NAV3: variants seen among roughly 807,000 people sequenced by gnomAD.
NAV3 encodes the protein neuron navigator 3, also known as pore membrane and/or filament interacting like protein 1.
NAV3 carries 87 observed loss-of-function variants against 244.7 expected under a neutral mutation model. The ratio of observed to expected loss-of-function variants is 0.36; its 90% CI spans 0.30 to 0.42. The LOEUF (loss-of-function observed/expected upper bound fraction) is 0.42. NAV3 is among the 20% of genes least tolerant of loss of function. The probability of loss-of-function intolerance (pLI) is 1.00; values close to 1 mark genes in which losing one functional copy is unlikely to be tolerated. For missense variants in NAV3, 2,663 were observed against 2,893.3 expected, an observed-to-expected ratio of 0.92 and a Z score of 1.83; for synonymous variants, 1,126 against 1,042.2, an observed-to-expected ratio of 1.08 and a Z score of -1.55.
intron 2 of NAV3, among the ~76,000 whole-genome samples, chr12:77,599,749 C>T (rs530043089): frequency 6.6e-6 from 1 of 151,822 alleles, no homozygotes; most frequent in East Asian, 1.9e-4. Flanking sequence ...TTTAAAAATG[C>T]ATTACTATTA....
In NAV3 at chr12:78,172,686, A is replaced by G. The variant is rs563027105; in HGVS notation, c.4982-2620A>G. 4.6e-5 allele frequency among the ~76,000 whole-genome samples: 7 copies of G among 151,738 alleles called. No homozygotes were observed. The South Asian group carries it at 1.4e-3, about 31-fold the overall frequency. The stretch of plus-strand genomic sequence containing the variant: ...TAAGTACTGAGGGAGGAGTATTTCA[A>G]AAGAGCTTTGAGGCGGAAAATAAAT... On this transcript the variant is annotated intron_variant, in intron 24 of 39. Transcript: ENST00000397909.
chr12:78,161,164 T>A (rs936744080), intron 23 of NAV3, among the ~76,000 whole-genome samples: 1 of 152,132 alleles, frequency 6.6e-6, no homozygotes, highest in South Asian at 2.1e-4. Context: ...TAACCTTTCT[T>A]GAACCTCAAA....
intron 2 of NAV3, among the ~76,000 whole-genome samples, chr12:77,574,465 A>G (rs1868984157): frequency 6.6e-6 from 1 of 152,168 alleles, no homozygotes; most frequent in South Asian, 2.1e-4. Flanking sequence ...CCACCAAGTA[A>G]TCGCTAATAG....
In NAV3 at chr12:78,081,165, C is replaced by T. The variant is rs143483525; in HGVS notation, c.2636+22050C>T. ...TATTCAGTTAGGTCTATTGTTATAA[C>T]ACCTCTAGCATCTTATGAACTATAG... On this transcript the variant is annotated intron_variant, in intron 12 of 39. Coordinates refer to ENST00000397909, the MANE Select transcript of NAV3 (RefSeq NM_001024383.2). Among the ~76,000 whole-genome samples, 957 of 152,236 alleles carry T rather than the reference C, an allele frequency of 6.3e-3. 14 individuals carry two copies. The highest frequency in any genetic ancestry group is 0.022 in the African/African-American group (895 of 41,526).
intron 19 of NAV3, among the ~76,000 whole-genome samples, chr12:78,139,418 A>G (rs1956510646): frequency 6.6e-6 from 1 of 152,044 alleles, no homozygotes; most frequent in Non-Finnish European, 1.5e-5. Flanking sequence ...CTTCTCTTTG[A>G]GCTTTTGGGA....
intron 2 of NAV3, among the ~76,000 whole-genome samples, chr12:77,600,735 AT>A (rs971108354): frequency 3.3e-5 from 5 of 151,944 alleles, no homozygotes; most frequent in African/African-American, 1.2e-4. Context: ...GGTACAGCAG[AT>A]TCATCCCAGG....
At chr12:78,187,757 G>C (rs1211821609) in intron 31 of NAV3, among the ~76,000 whole-genome samples, 3 of 151,788 alleles carry the variant, frequency 2.0e-5, no homozygotes, top group African/African-American at 7.3e-5. Flanking sequence ...TTGGATTCTA[G>C]ATTAAAATTA....
At chr12:78,154,924 T>A (rs1374356812) in intron 22 of NAV3, among the ~76,000 whole-genome samples, 2 of 152,078 alleles carry the variant, frequency 1.3e-5, no homozygotes, top group Non-Finnish European at 2.9e-5. Flanking sequence ...CCATTTACCC[T>A]ATTGAGTGAG....
rs1203315782 is a variant in NAV3, at chr12:78,119,517, T to C, written c.3321T>C (p.Asn1107=). Residue 1107 remains asparagine (N), a synonymous_variant, in exon 15 of 40, where the codon AAT becomes AAC. Transcript: ENST00000397909. ...CTGCTGCCATTGGCGGGAAGTCAAA[T>C]GCAGGGAGAAAAACCAGTTTGGACG... ...PKSAAIGGKS[N]AGRKTSLDGS... 6 of 1,614,122 alleles carry C rather than the reference T, an allele frequency of 3.7e-6. No homozygotes were observed. Among genetic ancestry groups the C allele is most frequent in the Middle Eastern group, 1.6e-4 (1 of 6,062 alleles).
chr12:78,133,637 A>G (rs934448344), intron 18 of NAV3, among the ~76,000 whole-genome samples: 1 of 152,070 alleles, frequency 6.6e-6, no homozygotes, highest in Non-Finnish European at 1.5e-5. Context: ...AATTAAGATC[A>G]CTACAATATG....
rs780316435 is a variant in NAV3, at chr12:78,119,837, T to C, written c.3641T>C (p.Leu1214Ser). 2.5e-6 allele frequency: 4 copies of C among 1,614,120 alleles called. No homozygotes were observed. The highest frequency in any genetic ancestry group is 3.4e-6 in the Non-Finnish European group (4 of 1,180,018). Residue 1214 changes from leucine (L) to serine (S), a missense_variant, in exon 15 of 40, where the codon TTG (leucine) becomes TCG (serine). Coordinates refer to ENST00000397909, the MANE Select transcript of NAV3 (RefSeq NM_001024383.2). ...GTCTCAGATTCAGAAAGTGTTTCTT[T>C]GTCAGGTTCCCCCAAATCCAGCCCC... ...VAVSDSESVS[L>S]SGSPKSSPTS... is the part of the protein sequence containing the mutation.
At chr12:78,104,387 ATTGT>A (rs1954695668) in intron 12 of NAV3, among the ~76,000 whole-genome samples, 1 of 152,180 alleles carries the variant, frequency 6.6e-6, no homozygotes, top group African/African-American at 2.4e-5. Context: ...CATTTTAATA[ATTGT>A]TTAGTTAATA....
intron 2 of NAV3, among the ~76,000 whole-genome samples, chr12:77,709,888 T>C (rs1037832060): frequency 6.6e-6 from 1 of 152,220 alleles, no homozygotes; most frequent in Non-Finnish European, 1.5e-5. Context: ...AAGCTATCTC[T>C]GTGCAGTCCG....
At chr12:77,950,524 A>C (rs941766735) in intron 3 of NAV3, 2 of 152,196 alleles carry the variant, frequency 1.3e-5, no homozygotes, top group African/African-American at 4.8e-5. Context: ...TGCCATCCCC[A>C]TCAAGCTACC....
chr12:77,782,871 T>C (rs933463256), intron 2 of NAV3, among the ~76,000 whole-genome samples: 1 of 152,320 alleles, frequency 6.6e-6, no homozygotes, highest in South Asian at 2.1e-4. Context: ...CTCTTTTCCT[T>C]TGCAAAGTTA....
intron 2 of NAV3, among the ~76,000 whole-genome samples, chr12:77,693,185 ATAAAGT>A (rs1592589105): frequency 6.6e-6 from 1 of 152,024 alleles, no homozygotes; most frequent in East Asian, 1.9e-4. Context: ...AGCTATTTAA[ATAAAGT>A]TATAGTAATT....
intron 2 of NAV3, among the ~76,000 whole-genome samples, chr12:77,726,695 G>GT (rs1325205431): frequency 2.0e-5 from 3 of 151,870 alleles, no homozygotes; most frequent in African/African-American, 7.2e-5. Context: ...GGGAAAGAGT[G>GT]TTTGAGGCAA....
chr12:77,765,373 T>C (rs1869687366), intron 2 of NAV3, among the ~76,000 whole-genome samples: 1 of 152,200 alleles, frequency 6.6e-6, no homozygotes, highest in Non-Finnish European at 1.5e-5. Flanking sequence ...GCCAGTTACA[T>C]ATGCTATGGA....
At chr12:77,608,354 T>G (rs1870762742) in intron 2 of NAV3, among the ~76,000 whole-genome samples, 1 of 152,124 alleles carries the variant, frequency 6.6e-6, no homozygotes, top group Non-Finnish European at 1.5e-5. Context: ...TTTTGTGAAC[T>G]GTCAGCTTAG....
Sources: gnomAD v4.1 joint callset for allele counts (sites outside exome capture counted in the v4.1 genomes callset) on GRCh38, gnomAD v4.1.1 for gene constraint, MANE v1.5 for transcripts, NCBI Gene and HGNC (gene_info 2026-07-23, HGNC 2026-07-21) for gene names.